Variants in PCSK7 observed in about 807,000 individuals in gnomAD.
The protein encoded by PCSK7 is lymphoma proprotein convertase.
PCSK7 carries 38 observed loss-of-function variants against 73.3 expected under a neutral mutation model. The observed-to-expected ratio is 0.52, with a 90% CI of 0.40 to 0.68. The LOEUF is 0.68. Ranked by LOEUF, PCSK7 falls within the 30% of genes least tolerant of loss-of-function variation. The pLI is 0.00. For synonymous variants in PCSK7, 296 were observed against 383.8 expected (o/e 0.77, Z 2.68); for missense variants, 692 against 991.5 (o/e 0.70, Z 4.06).
chr11:117,219,780 G>A (rs2032122121), intron 9 of PCSK7, 22 bp from the exon 10 acceptor site: 1 of 1,560,802 alleles, frequency 6.4e-7, no homozygotes, highest in Non-Finnish European at 8.7e-7. Context: ...ACAGGAAAAG[G>A]AAGTAGGTTA....
rs1167271267 is a variant in PCSK7 at position 117,205,674 on chromosome 11, G to T, written c.*323C>A. ...CCTTCTCAACTTATATGTGGGAAGG[G>T]GTCCCCCATGCTTGGGGGACCTAGG... is the stretch of plus-strand genomic sequence containing the variant. On this transcript the variant is annotated 3_prime_UTR_variant, in exon 17 of 17. Transcript: ENST00000320934. 4 of 286,504 alleles carry T rather than the reference G, an allele frequency of 1.4e-5. No individual in the cohort carries two copies. The East Asian group carries it at 2.1e-4, about 15-fold the overall frequency. The allele number at this position is 286,504 out of a possible 1,614,324, so 17.7% of individuals were successfully genotyped here. A position where few individuals can be genotyped will look rare whatever the true frequency, so the allele number is the denominator to read the frequency against.
rs747224044 is a variant in PCSK7, at chr11:117,219,140, C to T, written c.1348G>A (p.Val450Ile). Residue 450 changes from valine (V) to isoleucine (I), a missense_variant, in exon 11 of 17, where the codon GTC (valine) becomes ATC (isoleucine). Transcript: ENST00000320934. Reference sequence around the variant, plus strand: ...TGGCTGAAGCCTGCCTCGTTGGTGACCCACTCTGCACGGCGATCCTCATAC... The same window carrying T: ...TGGCTGAAGCCTGCCTCGTTGGTGATCCACTCTGCACGGCGATCCTCATAC... Reference protein sequence around the residue: ...TRYEDRRAEWVTNEAGFSHSH... With the variant: ...TRYEDRRAEWITNEAGFSHSH... 2 of 1,610,820 alleles carry T rather than the reference C, an allele frequency of 1.2e-6. No individual in the cohort carries two copies. Among genetic ancestry groups the T allele is most frequent in the Non-Finnish European group, 8.5e-7 (1 of 1,179,676 alleles).
chr11:117,205,135 G>A lies in PCSK7; in HGVS notation c.*862C>T, dbSNP rs1450905887. On this transcript the variant is annotated 3_prime_UTR_variant, in exon 17 of 17. Coordinates refer to ENST00000320934, the MANE Select transcript of PCSK7 (RefSeq NM_004716.4). Reference sequence around the variant, plus strand: ...AAAAAATTCAAGAAAATGTTGCTGTGAAAAGAGAAAAACAAATCTTAAGCA... The same window carrying A: ...AAAAAATTCAAGAAAATGTTGCTGTAAAAAGAGAAAAACAAATCTTAAGCA... The A allele has an allele frequency of 8.6e-6, 2 of 231,556 alleles. No individual in the cohort carries two copies. The highest frequency in any genetic ancestry group is 1.7e-5 in the Non-Finnish European group (2 of 116,826). The allele number at this position is 231,556 out of a possible 1,614,324, so 14.3% of individuals were successfully genotyped here.
Position 117,225,968 on chromosome 11 carries a change from T to TC in PCSK7, c.822_823insG (p.Asn275GlufsTer8). The TC allele has an allele frequency of 6.2e-7, 1 of 1,612,518 alleles. No homozygotes were observed. ...ATGTCATTGATCTGATAGTGCTTGT[T>TC]GAACGCCACTGCCTCCATGCTGTCT... is the stretch of plus-strand genomic sequence containing the variant. On this transcript the variant is annotated frameshift_variant, in exon 6 of 17. Coordinates refer to ENST00000320934, the MANE Select transcript of PCSK7 (RefSeq NM_004716.4). LOFTEE classifies it high-confidence loss of function.
intron 2 of PCSK7, 63 bp from the exon 3 acceptor site, chr11:117,229,919 G>T: frequency 2.0e-6 from 2 of 992,498 alleles, no homozygotes; most frequent in Non-Finnish European, 2.9e-6. Context: ...GAATCTGAGA[G>T]GGAGATGCTG....
intron 5 of PCSK7, 77 bp from the exon 6 acceptor site, chr11:117,226,098 T>C: frequency 1.2e-6 from 1 of 824,138 alleles, no homozygotes; most frequent in East Asian, 2.4e-5. Context: ...GGGAGCCATA[T>C]GTGGGAGACT....
At chr11:117,219,243 C>T (rs1432888863) in intron 10 of PCSK7, 79 bp from the exon 11 acceptor site, 5 of 1,049,584 alleles carry the variant, frequency 4.8e-6, no homozygotes, top group Non-Finnish European at 7.1e-6. Flanking sequence ...TCCCTGCTTG[C>T]CCTGCTGGCT....
chr11:117,219,563 G>C, intron 10 of PCSK7, 28 bp downstream of exon 10: 1 of 1,607,550 alleles, frequency 6.2e-7, no homozygotes, highest in Non-Finnish European at 8.5e-7. Context: ...GCTGGGCCAG[G>C]CCACTTGTCT....
Position 117,219,045 on chromosome 11 carries a change from A to G in PCSK7, c.1431+12T>C. ...CCACACAGGGCACCCTGCCCTGCCA[A>G]CACCTGTTCACCTTGGCTGCATTCA... On this transcript the variant is annotated intron_variant, in intron 11 of 16. Transcript: ENST00000320934. 3 of 1,592,682 alleles carry G rather than the reference A, an allele frequency of 1.9e-6. No homozygotes were observed. Among genetic ancestry groups the G allele is most frequent in the Non-Finnish European group, 2.6e-6 (3 of 1,167,694 alleles).
intron 4 of PCSK7, among the ~76,000 whole-genome samples, chr11:117,227,902 G>C (rs1390771146): frequency 6.6e-6 from 1 of 152,204 alleles, no homozygotes; most frequent in African/African-American, 2.4e-5. Flanking sequence ...AAAAAAGGCA[G>C]GTAGGGCTCC....
At chr11:117,225,866 T>A in intron 6 of PCSK7, 65 bp downstream of exon 6, 5 of 1,056,332 alleles carry the variant, frequency 4.7e-6, no homozygotes, top group Non-Finnish European at 7.4e-6. Context: ...CTGGTTGGGA[T>A]TTTGTTGGCG....
At chr11:117,225,019 C>T in intron 6 of PCSK7, 1 of 384,334 alleles carries the variant, frequency 2.6e-6, no homozygotes, top group South Asian at 4.2e-5. Flanking sequence ...ACAGAGGTCA[C>T]TCATCTCCTG....
chr11:117,205,552 A>C lies in PCSK7; in HGVS notation c.*445T>G. The C allele has an allele frequency of 4.2e-6, 1 of 236,892 alleles. No individual in the cohort carries two copies. The highest frequency in any genetic ancestry group is 8.3e-6 in the Non-Finnish European group (1 of 120,530). The allele number at this position is 236,892 out of a possible 1,614,324, so 14.7% of individuals were successfully genotyped here. On this transcript the variant is annotated 3_prime_UTR_variant, in exon 17 of 17. Transcript: ENST00000320934. Reference sequence around the variant, plus strand: ...GGAGGCAGCCGCTTTCAGGACAGGCATGTCCAGGGGCTCCTCCCAGCCTCT... The same window carrying C: ...GGAGGCAGCCGCTTTCAGGACAGGCCTGTCCAGGGGCTCCTCCCAGCCTCT...
chr11:117,205,106 C>T lies in PCSK7; in HGVS notation c.*891G>A, dbSNP rs773048847. On this transcript the variant is annotated 3_prime_UTR_variant, in exon 17 of 17. Coordinates refer to ENST00000320934, the MANE Select transcript of PCSK7 (RefSeq NM_004716.4). ...AGGTTTTTATTTTGGAAAAGCTGTG[C>T]AGAAAAAAATTCAAGAAAATGTTGC... 20 of 228,210 alleles carry T rather than the reference C, an allele frequency of 8.8e-5. No individual in the cohort carries two copies. Among genetic ancestry groups the T allele is most frequent in the Non-Finnish European group, 1.3e-4 (15 of 114,814 alleles). The allele number at this position is 228,210 out of a possible 1,614,324, so 14.1% of individuals were successfully genotyped here.
In PCSK7 at chr11:117,227,212, A is replaced by T. The variant is rs1485617323; in HGVS notation, c.714T>A (p.Ala238=). Residue 238 remains alanine, a synonymous_variant, in exon 5 of 17, where the codon GCT becomes GCA. Transcript: ENST00000320934. ...CGGCACAGAAGCTGTTGTTGGGCAC[A>T]GCCGCGATCTCTCCTGCACATCGCG... is the stretch of plus-strand genomic sequence containing the variant. The part of the protein sequence containing the change: ...HGTRCAGEIA[A]VPNNSFCAVG... The T allele has an allele frequency of 6.2e-7, 1 of 1,612,268 alleles. No homozygotes were observed.
rs1297179910 is a variant in PCSK7 at position 117,224,707 on chromosome 11, A to C, written c.909T>G (p.Leu303=). 6.2e-7 allele frequency: 1 copy of C among 1,613,160 alleles called. No homozygotes were observed. The highest frequency in any genetic ancestry group is 2.2e-5 in the East Asian group (1 of 44,890). The change falls in exon 7 of 17, where the codon CTT becomes CTG. Residue 303 remains leucine (L), a synonymous_variant. Transcript: ENST00000320934. ...CTTTGTGCAGGCCAGTTACCTTTCCAAGCTGATGGGGGCCATCCACTGTCT... is the reference window on the plus strand; with the variant it reads ...CTTTGTGCAGGCCAGTTACCTTTCCCAGCTGATGGGGGCCATCCACTGTCT... ...DGKTVDGPHQ[L]GKAALQHGVI... is the part of the protein sequence containing the mutation.
At chr11:117,231,268 G>A (rs2134339850) in intron 1 of PCSK7, 1 of 152,208 alleles carries the variant, frequency 6.6e-6, no homozygotes, top group East Asian at 1.9e-4. Flanking sequence ...AGGCTTCCTG[G>A]AAAGGAGAAC....
At chr11:117,215,370 G>A (rs370739160) in intron 12 of PCSK7, 4 of 84,594 alleles carry the variant, frequency 4.7e-5, no homozygotes, top group African/African-American at 6.2e-5. Flanking sequence ...TAATTTGTGT[G>A]TGTGTGTGTG....
chr11:117,226,821 G>A, intron 5 of PCSK7: 1 of 225,290 alleles, frequency 4.4e-6, no homozygotes, highest in Non-Finnish European at 8.5e-6. Context: ...AGCAGCCCGT[G>A]ACCATCAGTG....
Sources: gnomAD v4.1 joint callset for allele counts (sites outside exome capture counted in the v4.1 genomes callset) on GRCh38, gnomAD v4.1.1 for gene constraint, MANE v1.5 for transcripts, NCBI Gene and HGNC (gene_info 2026-07-23, HGNC 2026-07-21) for gene names.